NLGN1: variants seen among roughly 807,000 people sequenced by gnomAD.
NLGN1 encodes the protein neuroligin-1.
NLGN1 carries 12 observed loss-of-function variants against 65.5 expected under a neutral mutation model. That is an observed-to-expected ratio of 0.18 (90% CI 0.12 to 0.30). NLGN1 has a LOEUF of 0.30. Ranked by LOEUF, NLGN1 falls within the 10% of genes least tolerant of loss-of-function variation. The pLI is 1.00. For missense variants in NLGN1, 750 were observed against 1,007.1 expected (o/e 0.74, Z 3.46); for synonymous variants, 350 against 359.5 (o/e 0.97, Z 0.30).
At chr3:173,594,472 C>T (rs6778994) in intron 2 of NLGN1, among the ~76,000 whole-genome samples, 93,626 of 152,058 alleles carry the variant, frequency 0.62, 29,184 homozygotes, top group Non-Finnish European at 0.66. Flanking sequence ...CAGCTCTACC[C>T]CTGTGGCTTT....
chr3:174,094,892 C>T (rs1037275870), intron 4 of NLGN1, among the ~76,000 whole-genome samples: 3 of 151,710 alleles, frequency 2.0e-5, no homozygotes, highest in African/African-American at 4.8e-5. Context: ...AACTAGCAGA[C>T]GTAATAAATA....
chr3:174,125,083 G>A lies in NLGN1; in HGVS notation c.647-150232G>A, dbSNP rs77019956. 5.1e-4 allele frequency among the ~76,000 whole-genome samples: 77 copies of A among 152,208 alleles called. No individual in the cohort carries two copies. The East Asian group carries it at 0.014, about 27-fold the overall frequency. ...TATTCAAGTGCCAGATTATAAGGTAGCATTTTAGGCAAAGGTTGAGGTTTT... is the reference window on the plus strand; with the variant it reads ...TATTCAAGTGCCAGATTATAAGGTAACATTTTAGGCAAAGGTTGAGGTTTT... On this transcript the variant is annotated intron_variant, in intron 4 of 6. Transcript: ENST00000457714.
chr3:174,291,965 A>G, the NLGN1 span, among the ~76,000 whole-genome samples: 82 of 151,392 alleles, frequency 5.4e-4, no homozygotes, highest in African/African-American at 1.9e-3. Context: ...TTCAATAATC[A>G]TATTTACAGT....
intron 3 of NLGN1, among the ~76,000 whole-genome samples, chr3:173,779,169 T>C (rs1048041402): frequency 1.3e-5 from 2 of 151,860 alleles, no homozygotes; most frequent in African/African-American, 4.8e-5. Context: ...AAACTTGAGA[T>C]TGGATATCTG....
chr3:174,073,200 A>C (rs994658748), intron 4 of NLGN1, among the ~76,000 whole-genome samples: 2 of 151,948 alleles, frequency 1.3e-5, no homozygotes, highest in Non-Finnish European at 2.9e-5. Flanking sequence ...TTTTTTTTCA[A>C]GTGAAGAAAC....
At chr3:173,899,164 G>T (rs955351772) in intron 4 of NLGN1, among the ~76,000 whole-genome samples, 1 of 151,986 alleles carries the variant, frequency 6.6e-6, no homozygotes, top group Non-Finnish European at 1.5e-5. Context: ...CAAACTGTGG[G>T]TTCTATTATT....
intron 2 of NLGN1, among the ~76,000 whole-genome samples, chr3:173,518,217 G>T (rs750682779): frequency 9.2e-5 from 14 of 151,616 alleles, no homozygotes; most frequent in African/African-American, 2.2e-4. Flanking sequence ...ATTTTCATTT[G>T]CATTTGCATT....
intron 3 of NLGN1, among the ~76,000 whole-genome samples, chr3:173,639,677 TGA>T (rs1247600270): frequency 6.6e-6 from 1 of 152,202 alleles, no homozygotes; most frequent in South Asian, 2.1e-4. Flanking sequence ...CTAGAAATCC[TGA>T]GAGTCTCCCA....
At chr3:174,203,709 G>A (rs932423463) in intron 4 of NLGN1, among the ~76,000 whole-genome samples, 2 of 152,162 alleles carry the variant, frequency 1.3e-5, no homozygotes, top group Admixed American at 1.3e-4. Context: ...TAGGGTTTGT[G>A]TAATTGTAGC....
chr3:173,510,297 C>T (rs1403191894), intron 2 of NLGN1, among the ~76,000 whole-genome samples: 5 of 152,198 alleles, frequency 3.3e-5, no homozygotes, highest in African/African-American at 4.8e-5. Context: ...CTTAATACTG[C>T]ACTCTTGGCA....
At chr3:173,681,744 C>T (rs971320538) in intron 3 of NLGN1, among the ~76,000 whole-genome samples, 1 of 152,090 alleles carries the variant, frequency 6.6e-6, no homozygotes. Context: ...CTTCACTGAC[C>T]ATAAGAATAC....
chr3:173,433,791 G>C (rs1717621955), intron 1 of NLGN1, among the ~76,000 whole-genome samples: 1 of 152,098 alleles, frequency 6.6e-6, no homozygotes, highest in Non-Finnish European at 1.5e-5. Flanking sequence ...TATGCGTAAT[G>C]GAAGTTTCCT....
intron 4 of NLGN1, among the ~76,000 whole-genome samples, chr3:173,893,146 A>C (rs2152135572): frequency 6.6e-6 from 1 of 152,208 alleles, no homozygotes; most frequent in Admixed American, 6.5e-5. Context: ...TCTCAAATTG[A>C]ACATGTTTCC....
At chr3:173,498,176 G>C (rs980759251) in intron 2 of NLGN1, among the ~76,000 whole-genome samples, 2 of 151,478 alleles carry the variant, frequency 1.3e-5, no homozygotes, top group Non-Finnish European at 2.9e-5. Context: ...TTAACATTAG[G>C]TATATCTCCT....
At chr3:174,155,922 A>G (rs1430189926) in intron 4 of NLGN1, among the ~76,000 whole-genome samples, 1 of 151,982 alleles carries the variant, frequency 6.6e-6, no homozygotes. Context: ...TTGTTTCCTT[A>G]CAAGTGTTTC....
At chr3:173,534,806 T>G (rs1233586116) in intron 2 of NLGN1, among the ~76,000 whole-genome samples, 1 of 152,174 alleles carries the variant, frequency 6.6e-6, no homozygotes, top group Non-Finnish European at 1.5e-5. Context: ...TTTAAATCAG[T>G]TTCCACATTT....
chr3:173,548,824 A>G (rs1417868823), intron 2 of NLGN1, among the ~76,000 whole-genome samples: 1 of 152,020 alleles, frequency 6.6e-6, no homozygotes, highest in Non-Finnish European at 1.5e-5. Context: ...TGGAGATTCT[A>G]TTAAATGATT....
intron 2 of NLGN1, among the ~76,000 whole-genome samples, chr3:173,493,963 C>T (rs1440449369): frequency 6.6e-6 from 1 of 151,698 alleles, no homozygotes; most frequent in African/African-American, 2.4e-5. Context: ...TCAGATTCAG[C>T]GATTACTGCA....
intron 2 of NLGN1, among the ~76,000 whole-genome samples, chr3:173,511,492 G>A (rs996143932): frequency 2.0e-5 from 3 of 152,164 alleles, no homozygotes; most frequent in Admixed American, 6.6e-5. Flanking sequence ...GGTGTTCCCT[G>A]AGCTTCCTTG....
Sources: gnomAD v4.1 joint callset for allele counts (sites outside exome capture counted in the v4.1 genomes callset) on GRCh38, gnomAD v4.1.1 for gene constraint, MANE v1.5 for transcripts, NCBI Gene and HGNC (gene_info 2026-07-23, HGNC 2026-07-21) for gene names.